PADI2: variants seen among roughly 807,000 people sequenced by gnomAD.
The protein encoded by PADI2 is protein-arginine deiminase type-2.
PADI2 carries 70 observed loss-of-function variants against 81.1 expected under a neutral mutation model. The ratio of observed to expected loss-of-function variants is 0.86; its 90% CI spans 0.71 to 1.05. The LOEUF is 1.05. Among genes scored for constraint, PADI2 ranks in the 50% least tolerant of loss-of-function variants. The pLI, the probability that PADI2 is intolerant of heterozygous loss-of-function variation, is 0.00. For synonymous variants in PADI2, 338 were observed against 358.0 expected, an observed-to-expected ratio of 0.94 and a Z score of 0.63; for missense variants, 853 against 889.9, an observed-to-expected ratio of 0.96 and a Z score of 0.53.
At chr1:17,079,096 G>C (rs1466370801) in intron 11 of PADI2, 168 bp downstream of exon 11, 1 of 567,136 alleles carries the variant, frequency 1.8e-6, no homozygotes, top group African/African-American at 1.9e-5. Context: ...AGATATAAAG[G>C]CTAGCTTGAT....
At chr1:17,075,434 G>A (rs1489454943) in intron 12 of PADI2, 4 of 455,752 alleles carry the variant, frequency 8.8e-6, no homozygotes, top group Non-Finnish European at 1.6e-5. Context: ...GATTTAGTAT[G>A]AGAAAAGAAT....
intron 4 of PADI2, among the ~76,000 whole-genome samples, chr1:17,094,317 C>T (rs762520259): frequency 6.6e-6 from 1 of 152,196 alleles, no homozygotes. Context: ...CTCTGCCCCA[C>T]CCATCCCGGC....
At chr1:17,083,379 C>T in intron 9 of PADI2, 1 of 230,190 alleles carries the variant, frequency 4.3e-6, no homozygotes, top group Non-Finnish European at 8.6e-6. Flanking sequence ...CAAGCAGCAT[C>T]CTGAATATGT....
At chr1:17,117,035 C>G (rs891025238) in intron 1 of PADI2, among the ~76,000 whole-genome samples, 3 of 152,170 alleles carry the variant, frequency 2.0e-5, no homozygotes, top group Non-Finnish European at 4.4e-5. Flanking sequence ...GGGGTTGCTA[C>G]TGGCATCTAG....
In PADI2 at chr1:17,083,729, G is replaced by A; in HGVS notation, c.1047C>T (p.Ile349=). Reference sequence around the variant, plus strand: ...AGCCTGGACCTGGGCTCCTTACCTGGATCCAGCGATCGCCTCGGTTTAGGT... The same window carrying A: ...AGCCTGGACCTGGGCTCCTTACCTGAATCCAGCGATCGCCTCGGTTTAGGT... The part of the protein sequence containing the change: ...FQYLNRGDRW[I]QDEIEFGYIE... The change falls in exon 9 of 16, where the codon ATC becomes ATT. Residue 349 remains isoleucine (I), a synonymous_variant. Transcript: ENST00000375486. 6.2e-7 allele frequency: 1 copy of A among 1,606,236 alleles called. No individual in the cohort carries two copies. The highest frequency in any genetic ancestry group is 1.3e-5 in the African/African-American group (1 of 74,866).
At chr1:17,101,417 G>A (rs1931139063) in intron 3 of PADI2, among the ~76,000 whole-genome samples, 1 of 152,178 alleles carries the variant, frequency 6.6e-6, no homozygotes, top group African/African-American at 2.4e-5. Context: ...CTATCTTGGT[G>A]GGATTAGGTT....
chr1:17,100,701 G>T, intron 3 of PADI2, among the ~76,000 whole-genome samples: 1 of 143,480 alleles, frequency 7.0e-6, no homozygotes, highest in Admixed American at 7.3e-5. Context: ...TCGCTCTGTC[G>T]CCCAGGCTGG....
chr1:17,108,386 C>T (rs1036013833), intron 1 of PADI2, among the ~76,000 whole-genome samples: 3 of 152,086 alleles, frequency 2.0e-5, no homozygotes, highest in Admixed American at 2.0e-4. Context: ...ATCTGTTAGT[C>T]CCTACGCCTC....
chr1:17,086,994 G>A (rs1043760761), intron 6 of PADI2, among the ~76,000 whole-genome samples: 7 of 152,154 alleles, frequency 4.6e-5, no homozygotes, highest in African/African-American at 1.7e-4. Flanking sequence ...TGCCAGCTGA[G>A]CAGTTAGTGG....
At chr1:17,114,831 G>T (rs1237226625) in intron 1 of PADI2, among the ~76,000 whole-genome samples, 3 of 152,146 alleles carry the variant, frequency 2.0e-5, no homozygotes, top group Admixed American at 2.0e-4. Context: ...AACTGCAAAG[G>T]CCCTGAGGTG....
rs137882939 is a variant in PADI2, at chr1:17,114,712, G to GTAGT, written c.92+4564_92+4567dup. ...TCAGGGTAGGGCACCACGACATGGG[G>GTAGT]TAGTCAAAGAAAGCTTCCTGGAGGA... On this transcript the variant is annotated intron_variant, in intron 1 of 15. Coordinates refer to ENST00000375486, the MANE Select transcript of PADI2 (RefSeq NM_007365.3). Among the ~76,000 whole-genome samples, 1,245 of 152,156 alleles carry GTAGT rather than the reference G, an allele frequency of 8.2e-3. 5 individuals carry two copies. The highest frequency in any genetic ancestry group is 0.01 in the Non-Finnish European group (713 of 68,024).
intron 6 of PADI2, among the ~76,000 whole-genome samples, chr1:17,090,293 G>A (rs971312949): frequency 2.0e-5 from 3 of 152,200 alleles, no homozygotes; most frequent in Non-Finnish European, 4.4e-5. Flanking sequence ...CGGGACAGTC[G>A]GAACTCTTAC....
intron 1 of PADI2, among the ~76,000 whole-genome samples, chr1:17,107,424 G>C (rs985890195): frequency 6.6e-6 from 1 of 152,210 alleles, no homozygotes; most frequent in African/African-American, 2.4e-5. Context: ...GTAGGCCAGC[G>C]GCTGTCAAAG....
At chr1:17,081,128 C>A (rs2078340830) in intron 10 of PADI2, among the ~76,000 whole-genome samples, 1 of 152,228 alleles carries the variant, frequency 6.6e-6, no homozygotes, top group South Asian at 2.1e-4. Flanking sequence ...AAAGGCCTCG[C>A]TTCTCATGCC....
At chr1:17,103,816 A>AAC (rs1328799927) in intron 2 of PADI2, among the ~76,000 whole-genome samples, 28 of 148,310 alleles carry the variant, frequency 1.9e-4, no homozygotes, top group Non-Finnish European at 3.7e-4. Context: ...CCTGTCTCTA[A>AAC]AAAAAAAAAA....
rs1325045146 is a variant in PADI2, at chr1:17,079,760, A to G, written c.1159-345T>C. Among the ~76,000 whole-genome samples, 6 of 149,542 alleles carry G rather than the reference A, an allele frequency of 4.0e-5. No homozygotes were observed. In the East Asian group the frequency reaches 1.2e-3, roughly 29 times the overall value. ...ATTGGTGATTTCAGAATTAGTCCGC[A>G]TTTTATGCTATGCACTTTCAGTTTC... is the stretch of plus-strand genomic sequence containing the variant. On this transcript the variant is annotated intron_variant, in intron 10 of 15. Transcript: ENST00000375486.
chr1:17,101,125 G>A (rs746118917), intron 3 of PADI2, among the ~76,000 whole-genome samples: 6 of 152,052 alleles, frequency 3.9e-5, no homozygotes, highest in East Asian at 1.9e-4. Context: ...AACAGACCTC[G>A]GAAGGATGAA....
chr1:17,107,904 G>A (rs2101608910), intron 1 of PADI2, among the ~76,000 whole-genome samples: 1 of 151,538 alleles, frequency 6.6e-6, no homozygotes, highest in East Asian at 1.9e-4. Context: ...TGTGAGACTG[G>A]ACACTTCTTG....
chr1:17,071,541 G>T, intron 13 of PADI2, 50 bp from the exon 14 acceptor site: 1 of 1,428,156 alleles, frequency 7.0e-7, no homozygotes, highest in South Asian at 1.2e-5. Context: ...TACCCAGGCT[G>T]AGTGTTCCCC....
Sources: allele counts gnomAD v4.1 joint callset (sites outside exome capture counted in the v4.1 genomes callset), GRCh38; gene constraint gnomAD v4.1.1; transcripts MANE v1.5; gene names NCBI Gene and HGNC (gene_info 2026-07-23, HGNC 2026-07-21).